Variants in DLGAP1 observed in about 807,000 individuals in gnomAD.
DLGAP1 encodes DLG associated protein 1.
A neutral mutation model predicts 90.8 loss-of-function variants in DLGAP1; 11 were observed. The ratio of observed to expected loss-of-function variants is 0.12; its 90% confidence interval spans 0.08 to 0.20. The LOEUF (loss-of-function observed/expected upper bound fraction) is 0.20, where lower values mean the gene tolerates loss of function less well. Ranked by LOEUF, DLGAP1 falls within the 10% of genes least tolerant of loss-of-function variation. The pLI is 1.00. For synonymous variants in DLGAP1, 558 were observed against 540.7 expected (o/e 1.03, Z -0.44); for missense variants, 1,050 against 1,333.8 (o/e 0.79, Z 3.31).
intron 1 of DLGAP1, among the ~76,000 whole-genome samples, chr18:4,425,655 A>C (rs61282954): frequency 0.039 from 5,874 of 152,120 alleles, 145 homozygotes; most frequent in Non-Finnish European, 0.065. Flanking sequence ...AATACCTGCT[A>C]TTGTCTAGAT....
chr18:4,208,802 G>A (rs1296795557), intron 1 of DLGAP1, among the ~76,000 whole-genome samples: 2 of 151,880 alleles, frequency 1.3e-5, no homozygotes, highest in East Asian at 3.9e-4. Context: ...AGAAGGAGAG[G>A]TTGGGGGGGT....
intron 1 of DLGAP1, among the ~76,000 whole-genome samples, chr18:4,178,223 A>G (rs1486846384): frequency 2.0e-5 from 3 of 150,470 alleles, no homozygotes; most frequent in African/African-American, 7.3e-5. Flanking sequence ...ACACACACAC[A>G]CACACACACA....
chr18:3,927,336 C>T (rs994753472), intron 3 of DLGAP1, among the ~76,000 whole-genome samples: 6 of 152,146 alleles, frequency 3.9e-5, no homozygotes, highest in Non-Finnish European at 5.9e-5. Context: ...ACTGAAAGAT[C>T]GAGAGAAAGA....
At chr18:3,957,947 G>A (rs2073115352) in intron 3 of DLGAP1, among the ~76,000 whole-genome samples, 1 of 150,542 alleles carries the variant, frequency 6.6e-6, no homozygotes, top group Admixed American at 6.6e-5. Context: ...AGGCTGGAGT[G>A]CAATGGTGTG....
At chr18:4,131,059 A>C (rs1210968883) in intron 2 of DLGAP1, among the ~76,000 whole-genome samples, 1 of 152,192 alleles carries the variant, frequency 6.6e-6, no homozygotes. Flanking sequence ...CACAAACAGC[A>C]TTACAGTGTC....
At chr18:4,225,557 A>C (rs2078169112) in intron 1 of DLGAP1, among the ~76,000 whole-genome samples, 1 of 152,122 alleles carries the variant, frequency 6.6e-6, no homozygotes, top group Admixed American at 6.6e-5. Flanking sequence ...AATTCAAGGA[A>C]ACGCAGAGAA....
intron 1 of DLGAP1, among the ~76,000 whole-genome samples, chr18:4,278,642 T>A (rs2079474018): frequency 6.6e-6 from 1 of 152,100 alleles, no homozygotes; most frequent in South Asian, 2.1e-4. Flanking sequence ...TGGATAGTAT[T>A]CCATGGTGTG....
chr18:4,286,135 A>C (rs1257230630), intron 1 of DLGAP1, among the ~76,000 whole-genome samples: 1 of 152,208 alleles, frequency 6.6e-6, no homozygotes, highest in African/African-American at 2.4e-5. Context: ...AAGTGTTCAC[A>C]GATACAATGT....
chr18:3,518,135 C>T (rs956059420), intron 10 of DLGAP1, among the ~76,000 whole-genome samples: 3 of 152,166 alleles, frequency 2.0e-5, no homozygotes, highest in Non-Finnish European at 2.9e-5. Flanking sequence ...CAGATTGTAA[C>T]TCTTCATTTG....
intron 2 of DLGAP1, among the ~76,000 whole-genome samples, chr18:4,103,393 T>C (rs2075810314): frequency 6.6e-6 from 1 of 152,164 alleles, no homozygotes; most frequent in African/African-American, 2.4e-5. Context: ...TGTATATTTA[T>C]TTCCAGCTGT....
intron 3 of DLGAP1, among the ~76,000 whole-genome samples, chr18:3,901,699 TA>T (rs1215977088): frequency 6.6e-6 from 1 of 152,172 alleles, no homozygotes; most frequent in African/African-American, 2.4e-5. Flanking sequence ...CTGCTTAGTC[TA>T]AGAAATCTCC....
chr18:4,123,247 C>G (rs1397325482), intron 2 of DLGAP1, among the ~76,000 whole-genome samples: 1 of 152,000 alleles, frequency 6.6e-6, no homozygotes, highest in South Asian at 2.1e-4. Context: ...AGCCTGGACT[C>G]TGGGCCAGTT....
At chr18:3,693,948 G>A (rs1364336911) in intron 7 of DLGAP1, among the ~76,000 whole-genome samples, 4 of 152,004 alleles carry the variant, frequency 2.6e-5, no homozygotes, top group African/African-American at 9.7e-5. Context: ...TGTTACATAG[G>A]TATCCATGTG....
At chr18:4,207,450 G>A (rs1436941314) in intron 1 of DLGAP1, among the ~76,000 whole-genome samples, 4 of 152,130 alleles carry the variant, frequency 2.6e-5, no homozygotes, top group Non-Finnish European at 4.4e-5. Context: ...TGCGATTTGG[G>A]TGGGGACACA....
At chr18:4,285,837 T>G (rs2079676172) in intron 1 of DLGAP1, among the ~76,000 whole-genome samples, 1 of 152,188 alleles carries the variant, frequency 6.6e-6, no homozygotes, top group Non-Finnish European at 1.5e-5. Flanking sequence ...AAGTCAGGTT[T>G]TCAATCTTGT....
At chr18:4,347,867 T>A (rs1448113928) in intron 1 of DLGAP1, among the ~76,000 whole-genome samples, 2 of 151,920 alleles carry the variant, frequency 1.3e-5, no homozygotes, top group African/African-American at 4.8e-5. Context: ...GAGGTAAAAG[T>A]ATCCCTACTT....
chr18:4,396,802 T>C (rs1455898811), intron 1 of DLGAP1, among the ~76,000 whole-genome samples: 2 of 152,202 alleles, frequency 1.3e-5, no homozygotes, highest in Non-Finnish European at 2.9e-5. Context: ...GAGGGTAGTG[T>C]CTGTGGTTCA....
chr18:4,202,139 G>GCA (rs1385691736), intron 1 of DLGAP1, among the ~76,000 whole-genome samples: 10 of 150,146 alleles, frequency 6.7e-5, no homozygotes, highest in South Asian at 6.4e-4. Context: ...GTATACATAC[G>GCA]CACACACACA....
At chr18:4,143,197 C>G (rs1411343961) in intron 2 of DLGAP1, among the ~76,000 whole-genome samples, 1 of 152,082 alleles carries the variant, frequency 6.6e-6, no homozygotes, top group Non-Finnish European at 1.5e-5. Context: ...CATATCCTAC[C>G]CTTCAGGATG....
Sources: gnomAD v4.1 joint callset for allele counts (sites outside exome capture counted in the v4.1 genomes callset) on GRCh38, gnomAD v4.1.1 for gene constraint, MANE v1.5 for transcripts, NCBI Gene and HGNC (gene_info 2026-07-23, HGNC 2026-07-21) for gene names.